APTX: variants seen among roughly 807,000 people sequenced by gnomAD.
APTX encodes forkhead-associated domain histidine triad-like protein.
Under a neutral mutation model 42.3 loss-of-function variants are expected in APTX, and 33 were observed. The ratio of observed to expected loss-of-function variants is 0.78; its 90% CI spans 0.59 to 1.04. The LOEUF (loss-of-function observed/expected upper bound fraction) is 1.04, where lower values mean the gene tolerates loss of function less well. Among genes scored for constraint, APTX ranks in the 50% least tolerant of loss-of-function variants. The probability of loss-of-function intolerance (pLI) is 0.00; values close to 1 mark genes in which losing one functional copy is unlikely to be tolerated. For missense variants in APTX, 421 were observed against 415.1 expected (o/e 1.01, Z -0.12); for synonymous variants, 130 against 146.7 (o/e 0.89, Z 0.82).
At chr9:33,010,041 G>A (rs1837426937) in intron 1 of APTX, among the ~76,000 whole-genome samples, 1 of 152,166 alleles carries the variant, frequency 6.6e-6, no homozygotes, top group South Asian at 2.1e-4. Flanking sequence ...GTCCTGGGTT[G>A]AAACTTAGAA....
intron 1 of APTX, among the ~76,000 whole-genome samples, chr9:33,022,714 T>C (rs149742452): frequency 6.6e-6 from 1 of 152,246 alleles, no homozygotes; most frequent in Admixed American, 6.5e-5. Context: ...GATGACAAAG[T>C]GAAAAGGGCA....
At chr9:32,989,053 T>C (rs535236761) in intron 2 of APTX, among the ~76,000 whole-genome samples, 1 of 152,320 alleles carries the variant, frequency 6.6e-6, no homozygotes, top group Admixed American at 6.5e-5. Context: ...GCCCCTTCAG[T>C]TGCTGTTGTG....
At chr9:32,994,385 C>CA (rs1445263131) in intron 1 of APTX, among the ~76,000 whole-genome samples, 1 of 152,174 alleles carries the variant, frequency 6.6e-6, no homozygotes, top group Non-Finnish European at 1.5e-5. Context: ...TTAAGCTCAT[C>CA]ATACTGTAAC....
rs545869984 is a variant in APTX at position 33,020,105 on chromosome 9, C to T, written c.-5+4918G>A. 452 of 380,598 alleles carry T rather than the reference C, an allele frequency of 1.2e-3. 1 individual carries two copies. The highest frequency in any genetic ancestry group is 1.7e-3 in the Non-Finnish European group (354 of 214,338). 23.6% of individuals were successfully genotyped at this position (380,598 alleles called of 1,614,324 possible). ...TAGCCATCCCCGCAGTTGGCGCCTC[C>T]GCCTGCGTCTGCATCCACGTCCCAC... On this transcript the variant is annotated intron_variant, in intron 1 of 6. Coordinates refer to the APTX transcript ENST00000436040.
chr9:33,002,700 T>A (rs1330807054), upstream of APTX, among the ~76,000 whole-genome samples: 2 of 152,220 alleles, frequency 1.3e-5, no homozygotes, highest in Non-Finnish European at 2.9e-5. Context: ...GAGCTCTATA[T>A]ACCTATCATG....
At chr9:32,975,467 C>T (rs1355525355) in intron 6 of APTX, among the ~76,000 whole-genome samples, 2 of 152,126 alleles carry the variant, frequency 1.3e-5, no homozygotes, top group African/African-American at 2.4e-5. Flanking sequence ...TTTGGGAGGC[C>T]GAGGCAGGTG....
upstream of APTX, among the ~76,000 whole-genome samples, chr9:33,002,907 G>A (rs551791250): frequency 5.9e-5 from 9 of 152,324 alleles, no homozygotes; most frequent in East Asian, 1.7e-3. Flanking sequence ...GATCTTCCAA[G>A]AAACACAGAG....
chr9:32,987,544 C>T lies in APTX; in HGVS notation c.483G>A (p.Lys161=), dbSNP rs771662803. ...LKKGKDAPIK[K]ESLGHWSQGL... ...CATCTACCAATCACACTACCCTCAC[C>T]TTTTTGATAGGTGCATCTTTTCCCT... Residue 161 remains lysine (K), a splice_region_variant and synonymous_variant, in exon 4 of 8, where the codon AAG becomes AAA. Transcript: ENST00000379817. 1.5e-5 allele frequency: 24 copies of T among 1,613,572 alleles called. 1 individual carries two copies. The East Asian group carries it at 5.3e-4, about 36-fold the overall frequency.
rs146487634 is a variant in APTX at position 33,001,566 on chromosome 9, C to G, written c.-5+1G>C. 1 of 1,613,922 alleles carries G rather than the reference C, an allele frequency of 6.2e-7. No individual in the cohort carries two copies. Among genetic ancestry groups the G allele is most frequent in the South Asian group, 1.1e-5 (1 of 91,078 alleles). Reference sequence around the variant, plus strand: ...AAGAGATAGGCTGACGACCGCCTTACCTCCAGAAGTCGGAGACGGACAAAT... The same window carrying G: ...AAGAGATAGGCTGACGACCGCCTTAGCTCCAGAAGTCGGAGACGGACAAAT... On this transcript the variant is annotated splice_donor_variant, in intron 1 of 7. Transcript: ENST00000379817. LOFTEE classifies it low-confidence loss of function (5UTR_SPLICE).
At chr9:33,023,128 C>T (rs1403499214) in intron 1 of APTX, among the ~76,000 whole-genome samples, 2 of 152,034 alleles carry the variant, frequency 1.3e-5, no homozygotes, top group Non-Finnish European at 2.9e-5. Context: ...CATGCACCCC[C>T]TACTCTTCCT....
chr9:32,974,536 G>A lies in APTX; in HGVS notation c.796C>T (p.Gln266Ter), dbSNP rs752700668. ...MSHVHLHVIS[Q>*]DFDSPCLKNK... ...TTAAGGCAAGGAGAATCAAAATCCT[G>A]GCTGATCACATGAAGATGTACATGG... The change falls in exon 7 of 8, where the codon CAG becomes TAG. Residue 266 changes from glutamine to a stop codon, truncating the protein, a stop_gained. Transcript: ENST00000379817. LOFTEE classifies it high-confidence loss of function. The A allele has an allele frequency of 6.8e-6, 11 of 1,610,568 alleles. No individual in the cohort carries two copies. Among genetic ancestry groups the A allele is most frequent in the Non-Finnish European group, 9.3e-6 (11 of 1,178,890 alleles).
chr9:33,010,210 G>A (rs974765249), intron 1 of APTX, among the ~76,000 whole-genome samples: 2 of 152,186 alleles, frequency 1.3e-5, no homozygotes, highest in African/African-American at 2.4e-5. Flanking sequence ...CGTCAGACCA[G>A]CTCCTCTTAC....
chr9:33,016,554 C>T (rs1238229597), intron 1 of APTX, among the ~76,000 whole-genome samples: 2 of 152,106 alleles, frequency 1.3e-5, no homozygotes, highest in Admixed American at 6.6e-5. Flanking sequence ...ATGTACCTCA[C>T]GACTTCTTTC....
rs1357695719 is a variant in APTX, at chr9:32,973,826, T to C, written c.875-174A>G. 4 of 807,146 alleles carry C rather than the reference T, an allele frequency of 5.0e-6. No individual in the cohort carries two copies. The African/African-American group carries it at 5.2e-5, about 10-fold the overall frequency. The allele number at this position is 807,146 out of a possible 1,614,324, so 50.0% of individuals were successfully genotyped here. A position where few individuals can be genotyped will look rare whatever the true frequency, so the allele number is the denominator to read the frequency against. ...CTCAGGCAAAATGAGCTTAATCAGA[T>C]TATAAATATGAGCAACCCACCTTTG... is the stretch of plus-strand genomic sequence containing the variant. On this transcript the variant is annotated intron_variant, in intron 7 of 7. Transcript: ENST00000379817.
chr9:32,984,532 T>C, intron 6 of APTX, 99 bp downstream of exon 6: 3 of 1,243,058 alleles, frequency 2.4e-6, no homozygotes, highest in Non-Finnish European at 2.4e-6. Context: ...CCCACTTCCC[T>C]GGGTCTCAGT....
At chr9:33,001,646 G>C, upstream of APTX, 1 of 1,612,076 alleles carries the variant, frequency 6.2e-7, no homozygotes, top group South Asian at 1.1e-5. Flanking sequence ...GACGTCAGAG[G>C]CCGGCTGTAT....
chr9:32,995,754 G>A (rs1834714005), intron 1 of APTX, among the ~76,000 whole-genome samples: 1 of 152,056 alleles, frequency 6.6e-6, no homozygotes, highest in Non-Finnish European at 1.5e-5. Context: ...CGGGCGTGGT[G>A]GCGGGCACCT....
At chr9:32,995,453 G>C (rs1834611367) in intron 1 of APTX, among the ~76,000 whole-genome samples, 1 of 152,200 alleles carries the variant, frequency 6.6e-6, no homozygotes, top group Non-Finnish European at 1.5e-5. Context: ...ATTATAAGTA[G>C]AACCTGAAGA....
At chr9:32,987,953 A>G in intron 3 of APTX, 107 bp from the exon 4 acceptor site, 2 of 1,517,564 alleles carry the variant, frequency 1.3e-6, no homozygotes, top group Non-Finnish European at 1.8e-6. Context: ...ACCTTGCCTT[A>G]TGTTCACCTA....
Sources: allele counts gnomAD v4.1 joint callset (sites outside exome capture counted in the v4.1 genomes callset), GRCh38; gene constraint gnomAD v4.1.1; transcripts MANE v1.5; gene names NCBI Gene and HGNC (gene_info 2026-07-23, HGNC 2026-07-21).